Variants in PITPNM2 observed in about 807,000 individuals in gnomAD.
PITPNM2 encodes the protein phosphatidylinositol transfer protein membrane associated 2.
A neutral mutation model predicts 132.2 loss-of-function variants in PITPNM2; 35 were observed. The ratio of observed to expected loss-of-function variants is 0.26; its 90% CI spans 0.20 to 0.35. The LOEUF (loss-of-function observed/expected upper bound fraction) is 0.35, where lower values mean the gene tolerates loss of function less well. Among genes scored for constraint, PITPNM2 ranks in the 10% least tolerant of loss-of-function variants. PITPNM2 has a pLI of 1.00. For synonymous variants in PITPNM2, 738 were observed against 799.2 expected (o/e 0.92, Z 1.29); for missense variants, 1,332 against 1,912.0 (o/e 0.70, Z 5.66).
intron 3 of PITPNM2, among the ~76,000 whole-genome samples, chr12:123,015,312 A>G (rs967411733): frequency 6.6e-6 from 1 of 152,198 alleles, no homozygotes; most frequent in African/African-American, 2.4e-5. Flanking sequence ...CAGTAATCAA[A>G]AAAGTGTAGC....
intron 1 of PITPNM2, among the ~76,000 whole-genome samples, chr12:123,120,759 C>T (rs910569102): frequency 1.3e-5 from 2 of 152,228 alleles, no homozygotes; most frequent in South Asian, 2.1e-4. Flanking sequence ...GACACCACAG[C>T]CCCAGCAGGG....
chr12:123,034,418 T>C (rs2040202481), intron 3 of PITPNM2, 95 bp downstream of exon 3: 14 of 1,199,782 alleles, frequency 1.2e-5, no homozygotes, highest in South Asian at 3.8e-5. Context: ...GGCACTGCAC[T>C]GTGAAGGCCA....
chr12:123,089,256 A>C (rs1234185304), intron 2 of PITPNM2: 1 of 152,192 alleles, frequency 6.6e-6, no homozygotes, highest in Non-Finnish European at 1.5e-5. Context: ...ATTAGGCAAC[A>C]GGGGCCCTAG....
intron 2 of PITPNM2, among the ~76,000 whole-genome samples, chr12:123,079,144 G>C (rs1245108616): frequency 6.6e-6 from 1 of 152,020 alleles, no homozygotes; most frequent in Non-Finnish European, 1.5e-5. Context: ...AGGGCTGGGA[G>C]CACAGTAGCA....
chr12:123,021,659 G>C (rs1253939705), intron 3 of PITPNM2: 7 of 984,786 alleles, frequency 7.1e-6, no homozygotes, highest in Non-Finnish European at 8.4e-6. Context: ...CCTTCCCTGA[G>C]GATGTGGGGC....
At chr12:123,052,081 T>G (rs1205966551) in intron 2 of PITPNM2, among the ~76,000 whole-genome samples, 2 of 137,422 alleles carry the variant, frequency 1.5e-5, no homozygotes, top group Non-Finnish European at 3.0e-5. Context: ...TTTATTGTTT[T>G]TTTTTTTTTT....
rs1010692425 is a variant in PITPNM2 at position 123,007,402 on chromosome 12, G to T, written c.644-1854C>A. 3 of 456,516 alleles carry T rather than the reference G, an allele frequency of 6.6e-6. No individual in the cohort carries two copies. In the Admixed American group the frequency reaches 7.1e-5, roughly 11 times the overall value. The allele number at this position is 456,516 out of a possible 1,614,324, so 28.3% of individuals were successfully genotyped here. Reference sequence around the variant, plus strand: ...GCTCTGAATGAACATTCCAGAACAGGCATGGGGATTTCTCCAGGGGACAAA... The same window carrying T: ...GCTCTGAATGAACATTCCAGAACAGTCATGGGGATTTCTCCAGGGGACAAA... On this transcript the variant is annotated intron_variant, in intron 6 of 25. Coordinates refer to ENST00000320201, the MANE Select transcript of PITPNM2 (RefSeq NM_020845.3).
At chr12:123,124,149 G>A (rs2043089336) in intron 1 of PITPNM2, among the ~76,000 whole-genome samples, 1 of 152,058 alleles carries the variant, frequency 6.6e-6, no homozygotes. Flanking sequence ...CCAGCTACTC[G>A]GGAGGCTGAG....
At chr12:123,084,331 C>T (rs1053365331) in intron 2 of PITPNM2, 1 of 152,258 alleles carries the variant, frequency 6.6e-6, no homozygotes, top group Admixed American at 6.5e-5. Context: ...AGTTGCCTCC[C>T]CTTGGAACCA....
At chr12:123,115,535 G>A (rs187631758) in intron 1 of PITPNM2, among the ~76,000 whole-genome samples, 2 of 151,904 alleles carry the variant, frequency 1.3e-5, no homozygotes, top group Admixed American at 1.3e-4. Context: ...AACCCAATAC[G>A]CGCCCGCACA....
intron 5 of PITPNM2, among the ~76,000 whole-genome samples, chr12:123,011,900 G>A (rs968278757): frequency 1.3e-5 from 2 of 152,066 alleles, no homozygotes; most frequent in Non-Finnish European, 2.9e-5. Flanking sequence ...GCTTTGTTTC[G>A]CAGACCCAGG....
rs912021638 is a variant in PITPNM2, at chr12:123,099,725, G to A, written c.-96+10660C>T. Among the ~76,000 whole-genome samples, 4 of 152,156 alleles carry A rather than the reference G, an allele frequency of 2.6e-5. No homozygotes were observed. The highest frequency in any genetic ancestry group is 6.5e-5 in the Admixed American group (1 of 15,270). ...CTGGGTTCAGATGCCTATCCATGCT[G>A]GCACTGTTCCAAGTCCCACCTACAG... On this transcript the variant is annotated intron_variant, in intron 2 of 25. Transcript: ENST00000320201. This position sits in a 1 kb window ranked among gnomAD's most constrained non-coding sequence, Gnocchi z 4.2.
At chr12:123,126,026 C>T (rs773037366) in intron 1 of PITPNM2, among the ~76,000 whole-genome samples, 41 of 150,886 alleles carry the variant, frequency 2.7e-4, no homozygotes, top group Non-Finnish European at 3.4e-4. Flanking sequence ...CCCGCCACCA[C>T]GCCCAGCTAA....
At chr12:123,074,959 G>A (rs977016652) in intron 2 of PITPNM2, among the ~76,000 whole-genome samples, 2 of 152,232 alleles carry the variant, frequency 1.3e-5, no homozygotes, top group Non-Finnish European at 2.9e-5. Context: ...CCTGGGAACC[G>A]TTTACATGGG....
chr12:123,108,441 A>G lies in PITPNM2; in HGVS notation c.-96+1944T>C, dbSNP rs1035166676. On this transcript the variant is annotated intron_variant, in intron 2 of 25. Transcript: ENST00000320201. This position sits in a 1 kb window ranked among gnomAD's most constrained non-coding sequence, Gnocchi z 4.4. Reference sequence around the variant, plus strand: ...TCAGAGCAATGTCAGTGCTCAGGCCATGCAGGGCAGAAGAGCTCTCACCGG... The same window carrying G: ...TCAGAGCAATGTCAGTGCTCAGGCCGTGCAGGGCAGAAGAGCTCTCACCGG... Among the ~76,000 whole-genome samples the G allele has an allele frequency of 2.0e-5, 3 of 152,132 alleles. No individual in the cohort carries two copies. The highest frequency in any genetic ancestry group is 7.2e-5 in the African/African-American group (3 of 41,424).
In PITPNM2 at chr12:123,077,167, T is replaced by G. The variant is rs2041816191; in HGVS notation, c.-96+33218A>C. ...GTGCCGAGGGGCTGTCCCAAACAGA[T>G]GGTGCTATCCAGACAGACACACTGG... On this transcript the variant is annotated intron_variant, in intron 2 of 25. Coordinates refer to ENST00000320201, the MANE Select transcript of PITPNM2 (RefSeq NM_020845.3). The surrounding 1 kb of genome is among the most constrained non-coding windows in gnomAD (Gnocchi z 4.8). 6.6e-6 allele frequency among the ~76,000 whole-genome samples: 1 copy of G among 152,158 alleles called. No homozygotes were observed. The highest frequency in any genetic ancestry group is 1.5e-5 in the Non-Finnish European group (1 of 68,030).
intron 1 of PITPNM2, among the ~76,000 whole-genome samples, chr12:123,142,057 T>C (rs748482261): frequency 2.6e-5 from 4 of 152,112 alleles, no homozygotes; most frequent in Non-Finnish European, 4.4e-5. Flanking sequence ...TGAAATCAGG[T>C]ACTATAAAAT....
intron 2 of PITPNM2, chr12:123,105,466 C>G (rs1023944553): frequency 6.6e-6 from 1 of 152,160 alleles, no homozygotes; most frequent in East Asian, 1.9e-4. Context: ...TCTCAGGAAC[C>G]CCTCAGAGAA....
chr12:123,057,482 C>T (rs1369372280), intron 2 of PITPNM2, among the ~76,000 whole-genome samples: 1 of 152,100 alleles, frequency 6.6e-6, no homozygotes, highest in East Asian at 1.9e-4. Context: ...TCTGAGGGTG[C>T]AAATGGTACC....
Sources: allele counts gnomAD v4.1 joint callset (sites outside exome capture counted in the v4.1 genomes callset), GRCh38; gene constraint gnomAD v4.1.1; non-coding constraint Gnocchi (gnomAD v3.1); transcripts MANE v1.5; gene names NCBI Gene and HGNC (gene_info 2026-07-23, HGNC 2026-07-21).